The following TRHDE variants were observed in gnomAD, a reference collection of about 807,000 sequenced individuals.
TRHDE encodes thyrotropin releasing hormone degrading enzyme.
In TRHDE, 72 loss-of-function variants were observed where a neutral mutation model predicts 125.7. That is an observed-to-expected ratio of 0.57 (90% confidence interval 0.47 to 0.70). The LOEUF (loss-of-function observed/expected upper bound fraction) is 0.70, where lower values mean the gene tolerates loss of function less well. Among genes scored for constraint, TRHDE ranks in the 30% least tolerant of loss-of-function variants. The pLI is 0.00. For synonymous variants in TRHDE, 509 were observed against 509.1 expected (o/e 1.00, Z 0.00); for missense variants, 1,110 against 1,327.1 (o/e 0.84, Z 2.54).
intron 1 of TRHDE, among the ~76,000 whole-genome samples, chr12:72,094,065 T>C (rs763170488): frequency 6.6e-6 from 1 of 152,080 alleles, no homozygotes; most frequent in African/African-American, 2.4e-5. Context: ...GTGGCCGCTG[T>C]TGGGTTTGCA....
chr12:72,296,270 T>C (rs991620446), intron 2 of TRHDE, among the ~76,000 whole-genome samples: 19 of 152,204 alleles, frequency 1.2e-4, no homozygotes, highest in African/African-American at 4.3e-4. Context: ...GAAGTAATTT[T>C]GACCAATATT....
intron 15 of TRHDE, among the ~76,000 whole-genome samples, chr12:72,622,941 A>G (rs919570870): frequency 2.0e-5 from 3 of 152,038 alleles, no homozygotes; most frequent in South Asian, 2.1e-4. Context: ...CAATTGATCT[A>G]TCATATATTT....
chr12:72,491,457 T>G, intron 5 of TRHDE, among the ~76,000 whole-genome samples: 1 of 151,940 alleles, frequency 6.6e-6, no homozygotes, highest in Non-Finnish European at 1.5e-5. Context: ...CTTGAGTAAG[T>G]CTGCAGAATA....
intron 2 of TRHDE, among the ~76,000 whole-genome samples, chr12:72,189,563 C>T (rs1336178193): frequency 6.6e-6 from 1 of 152,098 alleles, no homozygotes; most frequent in Non-Finnish European, 1.5e-5. Context: ...AAACGTGTAA[C>T]TTGAGATTGG....
At chr12:72,348,207 G>A (rs1870420373) in intron 2 of TRHDE, among the ~76,000 whole-genome samples, 1 of 151,670 alleles carries the variant, frequency 6.6e-6, no homozygotes, top group South Asian at 2.1e-4. Context: ...ACTTTTTTGT[G>A]ATGAGAACAC....
At chr12:72,490,240 A>T (rs1175995670) in intron 5 of TRHDE, among the ~76,000 whole-genome samples, 1 of 151,920 alleles carries the variant, frequency 6.6e-6, no homozygotes, top group Non-Finnish European at 1.5e-5. Flanking sequence ...GATGCTCAAC[A>T]TTGGTAGTCA....
At chr12:72,365,943 T>C (rs1871323479) in intron 2 of TRHDE, among the ~76,000 whole-genome samples, 1 of 152,120 alleles carries the variant, frequency 6.6e-6, no homozygotes, top group Non-Finnish European at 1.5e-5. Flanking sequence ...CAGCTTCTAA[T>C]ACTGCATCCA....
intron 2 of TRHDE, among the ~76,000 whole-genome samples, chr12:72,363,469 C>T (rs368783426): frequency 0.01 from 1,582 of 151,952 alleles, 31 homozygotes; most frequent in African/African-American, 0.035. Flanking sequence ...GTTCAATATA[C>T]GCAAATCAAT....
intron 2 of TRHDE, among the ~76,000 whole-genome samples, chr12:72,371,392 AT>A (rs1298289885): frequency 6.7e-6 from 1 of 149,302 alleles, no homozygotes; most frequent in Non-Finnish European, 1.5e-5. Context: ...TTATTTATTT[AT>A]TTTTATTATT....
rs992285197 is a variant in TRHDE, at chr12:72,368,495, T to G, written c.1189-9500T>G. 9.2e-5 allele frequency among the ~76,000 whole-genome samples: 14 copies of G among 152,294 alleles called. No individual in the cohort carries two copies. The South Asian group carries it at 2.7e-3, about 29-fold the overall frequency. ...TCATGGGACTCTGACCTTGTTCCGC[T>G]GAGTCACCATCTCTTTAGATAGAAC... On this transcript the variant is annotated intron_variant, in intron 2 of 18. Transcript: ENST00000261180.
At chr12:72,581,243 T>G (rs528170561) in intron 12 of TRHDE, among the ~76,000 whole-genome samples, 1 of 152,318 alleles carries the variant, frequency 6.6e-6, no homozygotes, top group Admixed American at 6.5e-5. Flanking sequence ...AACTAAATAT[T>G]TAAAAGATTT....
rs370259449 is a variant in TRHDE, at chr12:72,562,200, C to T, written c.1824C>T (p.Ala608=). 7.7e-6 allele frequency: 12 copies of T among 1,561,138 alleles called. No homozygotes were observed. Among genetic ancestry groups the T allele is most frequent in the Non-Finnish European group, 1.1e-5 (12 of 1,137,650 alleles). ...YLTIHKYGNA[A]RNDLWNTLSE... ...CCATTCATAAGTATGGTAATGCAGC[C>T]AGAAATGATCTCTGGAATACATTAT... Residue 608 remains alanine (A), a synonymous_variant, in exon 8 of 19, where the codon GCC becomes GCT. Coordinates refer to ENST00000261180, the MANE Select transcript of TRHDE (RefSeq NM_013381.3).
intron 3 of TRHDE, among the ~76,000 whole-genome samples, chr12:72,462,385 G>A (rs904407296): frequency 1.1e-4 from 17 of 152,116 alleles, no homozygotes; most frequent in African/African-American, 2.9e-4. Context: ...TAGAAGAGCC[G>A]CAGAGCTCTT....
At chr12:72,231,146 A>C (rs557182223) in intron 2 of TRHDE, among the ~76,000 whole-genome samples, 1 of 152,186 alleles carries the variant, frequency 6.6e-6, no homozygotes, top group Non-Finnish European at 1.5e-5. Context: ...TTAGAAGTAC[A>C]TAAAAATATA....
intron 3 of TRHDE, among the ~76,000 whole-genome samples, chr12:72,407,864 A>G (rs1231789502): frequency 2.6e-5 from 4 of 152,262 alleles, no homozygotes; most frequent in Non-Finnish European, 1.5e-5. Context: ...TCCTTCTCCC[A>G]GTATCAAGCA....
intron 3 of TRHDE, among the ~76,000 whole-genome samples, chr12:72,431,165 G>A (rs549845605): frequency 1.3e-5 from 2 of 151,872 alleles, no homozygotes; most frequent in South Asian, 4.2e-4. Context: ...GAATTTCTTA[G>A]GATTTTTGTT....
intron 12 of TRHDE, among the ~76,000 whole-genome samples, chr12:72,605,758 T>C (rs1187613195): frequency 6.6e-6 from 1 of 152,092 alleles, no homozygotes; most frequent in South Asian, 2.1e-4. Flanking sequence ...TGAGAGAAGG[T>C]GAAAATGCAT....
chr12:72,506,557 T>C (rs1198960444), intron 6 of TRHDE, among the ~76,000 whole-genome samples: 1 of 152,192 alleles, frequency 6.6e-6, no homozygotes. Flanking sequence ...AAACTGACAC[T>C]TGGGTACTTA....
intron 5 of TRHDE, among the ~76,000 whole-genome samples, chr12:72,492,290 G>A (rs1371585538): frequency 6.6e-6 from 1 of 151,864 alleles, no homozygotes; most frequent in Non-Finnish European, 1.5e-5. Flanking sequence ...CTAAATGGTG[G>A]TATAATTTTT....
Sources: gnomAD v4.1 joint callset for allele counts (sites outside exome capture counted in the v4.1 genomes callset) on GRCh38, gnomAD v4.1.1 for gene constraint, MANE v1.5 for transcripts, NCBI Gene and HGNC (gene_info 2026-07-23, HGNC 2026-07-21) for gene names.